The following SIPA1L1 variants were observed in gnomAD, a reference collection of about 807,000 sequenced individuals.
SIPA1L1 encodes signal-induced proliferation-associated 1-like protein 1.
Under a neutral mutation model 162.7 loss-of-function variants are expected in SIPA1L1, and 26 were observed. The ratio of observed to expected loss-of-function variants is 0.16; its 90% CI spans 0.12 to 0.22. The LOEUF is 0.22. Ranked by LOEUF, SIPA1L1 falls within the 10% of genes least tolerant of loss-of-function variation. The pLI is 1.00. For missense variants in SIPA1L1, 1,874 were observed against 2,241.0 expected, an observed-to-expected ratio of 0.84 and a Z score of 3.31; for synonymous variants, 829 against 837.4, an observed-to-expected ratio of 0.99 and a Z score of 0.17.
At position 71,705,283 on chromosome 14, in the gene SIPA1L1, T is replaced by C. The variant is rs772436370; in HGVS notation, c.3708T>C (p.Ser1236=). Residue 1236 remains serine, a synonymous_variant, in exon 16 of 24, where the codon AGT becomes AGC. Coordinates refer to ENST00000381232, the MANE Select transcript of SIPA1L1 (RefSeq NM_001386936.1). ...KVLPAFRESP[S]GRLMRQDPVV... ...TGCCAGCTTTCCGAGAGAGCCCCAG[T>C]GGGAGATTAATGCGGCAGGATCCAG... The C allele has an allele frequency of 1.9e-6, 3 of 1,613,998 alleles. No homozygotes were observed. Among genetic ancestry groups the C allele is most frequent in the African/African-American group, 1.3e-5 (1 of 74,886 alleles).
intron 11 of SIPA1L1, among the ~76,000 whole-genome samples, chr14:71,672,111 T>C (rs1198275806): frequency 2.0e-5 from 3 of 152,204 alleles, no homozygotes; most frequent in Non-Finnish European, 4.4e-5. Context: ...TCCCTGTAGG[T>C]CTCTGGTAGA....
chr14:71,483,469 A>G (rs17106801), intron 2 of SIPA1L1, among the ~76,000 whole-genome samples: 3,344 of 152,278 alleles, frequency 0.022, 117 homozygotes, highest in African/African-American at 0.076. Flanking sequence ...ACTTGATTCT[A>G]TTCTTCTGGA....
chr14:71,633,190 C>T (rs892925127), intron 7 of SIPA1L1, among the ~76,000 whole-genome samples: 5 of 151,974 alleles, frequency 3.3e-5, no homozygotes, highest in African/African-American at 1.2e-4. Flanking sequence ...GAGATGGGGC[C>T]TCACTCTGTC....
intron 2 of SIPA1L1, among the ~76,000 whole-genome samples, chr14:71,374,132 C>A (rs1665927085): frequency 6.6e-6 from 1 of 152,096 alleles, no homozygotes; most frequent in Non-Finnish European, 1.5e-5. Flanking sequence ...TAGAAGATCC[C>A]ATGGGCATAT....
chr14:71,519,391 C>T (rs1366823385), intron 3 of SIPA1L1, among the ~76,000 whole-genome samples: 1 of 152,148 alleles, frequency 6.6e-6, no homozygotes, highest in African/African-American at 2.4e-5. Flanking sequence ...CCTAGCACTG[C>T]CATTGACAGT....
At chr14:71,531,369 AG>A (rs2053431368) in intron 4 of SIPA1L1, among the ~76,000 whole-genome samples, 1 of 151,862 alleles carries the variant, frequency 6.6e-6, no homozygotes, top group Admixed American at 6.6e-5. Context: ...GTAGTACAGA[AG>A]AGGGGTCTAC....
chr14:71,659,885 A>C (rs933117582), intron 9 of SIPA1L1, among the ~76,000 whole-genome samples: 2 of 152,144 alleles, frequency 1.3e-5, no homozygotes, highest in African/African-American at 4.8e-5. Flanking sequence ...ACATATGAAA[A>C]AATTTTCACT....
At chr14:71,427,879 C>T (rs982207961) in intron 2 of SIPA1L1, among the ~76,000 whole-genome samples, 22 of 151,814 alleles carry the variant, frequency 1.4e-4, no homozygotes, top group African/African-American at 5.1e-4. Context: ...GTAAATCTGC[C>T]AACAAGTATT....
At chr14:71,443,812 A>C (rs2045120689) in intron 2 of SIPA1L1, among the ~76,000 whole-genome samples, 2 of 152,238 alleles carry the variant, frequency 1.3e-5, no homozygotes, top group Admixed American at 6.5e-5. Flanking sequence ...ATCACTAGGG[A>C]CAACTTCTGT....
intron 8 of SIPA1L1, among the ~76,000 whole-genome samples, chr14:71,656,809 G>A (rs145406474): frequency 1.4e-3 from 211 of 152,272 alleles, no homozygotes; most frequent in Non-Finnish European, 2.5e-3. Flanking sequence ...AGTACCTAAC[G>A]GCAGCGGAGT....
chr14:71,678,484 A>T (rs190633455), intron 12 of SIPA1L1, among the ~76,000 whole-genome samples: 1 of 152,300 alleles, frequency 6.6e-6, no homozygotes, highest in African/African-American at 2.4e-5. Context: ...CATCCCAGGG[A>T]TGAAGCCCAC....
At position 71,407,066 on chromosome 14, in the gene SIPA1L1, A is replaced by G. The variant is rs376024876; in HGVS notation, c.-465+85885A>G. Among the ~76,000 whole-genome samples the G allele has an allele frequency of 6.1e-4, 93 of 152,198 alleles. 2 individuals carry two copies. The East Asian group carries it at 0.017, about 28-fold the overall frequency. On this transcript the variant is annotated intron_variant, in intron 2 of 23. Coordinates refer to ENST00000381232, the MANE Select transcript of SIPA1L1 (RefSeq NM_001386936.1). ...AGACCAGCCTGGCCAAAATGGAGAA[A>G]CCCTGCCTCTACTAAAAATAAAAAA...
intron 2 of SIPA1L1, among the ~76,000 whole-genome samples, chr14:71,343,631 A>C (rs1156525851): frequency 6.6e-6 from 1 of 152,130 alleles, no homozygotes; most frequent in African/African-American, 2.4e-5. Context: ...CTTGTCTTTA[A>C]AAAATGGCTT....
At chr14:71,517,521 G>A (rs984245489) in intron 3 of SIPA1L1, among the ~76,000 whole-genome samples, 3 of 152,110 alleles carry the variant, frequency 2.0e-5, no homozygotes, top group African/African-American at 7.2e-5. Context: ...CGGGCGACAC[G>A]TCTCTCAGTG....
intron 4 of SIPA1L1, among the ~76,000 whole-genome samples, chr14:71,564,809 T>C (rs1235414771): frequency 2.0e-5 from 3 of 152,180 alleles, no homozygotes; most frequent in Non-Finnish European, 4.4e-5. Context: ...TTTTCTTTCT[T>C]CTTTCTTTAG....
intron 7 of SIPA1L1, among the ~76,000 whole-genome samples, chr14:71,634,935 C>CA (rs1174210896): frequency 0.011 from 1,247 of 112,184 alleles, 14 homozygotes; most frequent in African/African-American, 0.033. Context: ...GACTCCGTCT[C>CA]AAAAAAAAAA....
intron 2 of SIPA1L1, among the ~76,000 whole-genome samples, chr14:71,361,294 A>G (rs2037788492): frequency 6.6e-6 from 1 of 152,158 alleles, no homozygotes. Context: ...TTTTGACTTA[A>G]TTTTATTGGT....
At chr14:71,466,830 C>T (rs1301857243) in intron 2 of SIPA1L1, among the ~76,000 whole-genome samples, 1 of 152,096 alleles carries the variant, frequency 6.6e-6, no homozygotes. Flanking sequence ...GTGCACAGAA[C>T]CAATGTAATG....
intron 2 of SIPA1L1, among the ~76,000 whole-genome samples, chr14:71,495,597 T>C (rs1243842495): frequency 1.3e-5 from 2 of 151,820 alleles, no homozygotes; most frequent in South Asian, 2.1e-4. Flanking sequence ...TTTGGTTTTA[T>C]TGACTTTTAC....
Sources: allele counts gnomAD v4.1 joint callset (sites outside exome capture counted in the v4.1 genomes callset), GRCh38; gene constraint gnomAD v4.1.1; transcripts MANE v1.5; gene names NCBI Gene and HGNC (gene_info 2026-07-23, HGNC 2026-07-21).